Variants in ATP8B4 observed in about 807,000 individuals in gnomAD.
ATP8B4 encodes the protein ATPase phospholipid transporting 8B4 (putative), also known as probable phospholipid-transporting ATPase IM.
ATP8B4 carries 133 observed loss-of-function variants against 145.6 expected under a neutral mutation model. The observed-to-expected ratio is 0.91, with a 90% CI of 0.79 to 1.05. The LOEUF (loss-of-function observed/expected upper bound fraction) is 1.05. ATP8B4 is among the 50% of genes least tolerant of loss of function. The pLI, the probability that ATP8B4 is intolerant of heterozygous loss-of-function variation, is 0.00. For missense variants in ATP8B4, 1,458 were observed against 1,425.2 expected (o/e 1.02, Z -0.37); for synonymous variants, 507 against 492.9 (o/e 1.03, Z -0.38).
chr15:49,880,126 C>T (rs1201783710), intron 23 of ATP8B4: 1 of 152,122 alleles, frequency 6.6e-6, no homozygotes, highest in Non-Finnish European at 1.5e-5. Flanking sequence ...GGTTACAGAG[C>T]TTATTATGGG....
chr15:50,091,717 T>C (rs988537378), intron 2 of ATP8B4, among the ~76,000 whole-genome samples: 1 of 152,126 alleles, frequency 6.6e-6, no homozygotes, highest in African/African-American at 2.4e-5. Context: ...TTTTTTTCAT[T>C]TCTTACTCAT....
chr15:50,008,838 A>G lies in ATP8B4; in HGVS notation c.435+2007T>C, dbSNP rs116848175. On this transcript the variant is annotated intron_variant, in intron 7 of 27. Transcript: ENST00000284509. The stretch of plus-strand genomic sequence containing the variant: ...CCAGTCTGATGTTCACCCTTGTTAG[A>G]GCACGTTCATGGGGCTCCTAACACT... Among the ~76,000 whole-genome samples the G allele has an allele frequency of 9.7e-3, 1,480 of 152,304 alleles. 11 individuals carry two copies. The highest frequency in any genetic ancestry group is 0.014 in the Admixed American group (217 of 15,288).
intron 17 of ATP8B4, among the ~76,000 whole-genome samples, 163 bp from the exon 18 acceptor site, chr15:49,920,573 G>C (rs2040167372): frequency 6.6e-6 from 1 of 152,134 alleles, no homozygotes; most frequent in Non-Finnish European, 1.5e-5. Context: ...CTCAGAAATG[G>C]GAGATAATGT....
At chr15:49,889,531 T>C (rs1391377587) in intron 23 of ATP8B4, among the ~76,000 whole-genome samples, 1 of 152,218 alleles carries the variant, frequency 6.6e-6, no homozygotes, top group Admixed American at 6.5e-5. Flanking sequence ...CAACCCAGAC[T>C]ACATCACATC....
intron 11 of ATP8B4, among the ~76,000 whole-genome samples, chr15:49,980,224 C>T (rs1419014670): frequency 6.6e-6 from 1 of 152,144 alleles, no homozygotes; most frequent in Admixed American, 6.6e-5. Flanking sequence ...CAGAGCCTGG[C>T]CAATATTTTG....
At position 49,898,053 on chromosome 15, in the gene ATP8B4, C is replaced by A. The variant is rs2037609247; in HGVS notation, c.2473+15G>T. 1 of 1,613,316 alleles carries A rather than the reference C, an allele frequency of 6.2e-7. No individual in the cohort carries two copies. The highest frequency in any genetic ancestry group is 8.5e-7 in the Non-Finnish European group (1 of 1,179,486). ...CATGTATGCAGCATACCCCATTGAG[C>A]AAATATCCTCTTACTTTTAATCATG... On this transcript the variant is annotated intron_variant, in intron 22 of 27. Coordinates refer to ENST00000284509, the MANE Select transcript of ATP8B4 (RefSeq NM_024837.4).
At chr15:49,867,375 A>G (rs1329222122) in intron 25 of ATP8B4, among the ~76,000 whole-genome samples, 1 of 152,172 alleles carries the variant, frequency 6.6e-6, no homozygotes. Context: ...CCCACTTGTA[A>G]TTTACTGTCC....
intron 1 of ATP8B4, among the ~76,000 whole-genome samples, chr15:50,132,194 G>T (rs946369685): frequency 6.6e-6 from 1 of 152,066 alleles, no homozygotes; most frequent in Non-Finnish European, 1.5e-5. Context: ...TCTGTTTCAT[G>T]ACTTTCATAA....
At position 50,010,861 on chromosome 15, in the gene ATP8B4, T is replaced by C. The variant is rs771890270; in HGVS notation, c.419A>G (p.Asn140Ser). 1.9e-6 allele frequency: 3 copies of C among 1,566,692 alleles called. No homozygotes were observed. In the African/African-American group the frequency reaches 4.2e-5, roughly 22 times the overall value. ...AATACTTACAGCAACAAATTGGTTA[T>C]TTTCTAATTTAATGATGTCTCCCAC... ...VKVGDIIKLE[N>S]NQFVAADLLL... Residue 140 changes from asparagine to serine, a missense_variant, in exon 7 of 28, where the codon AAT (asparagine) becomes AGT (serine). By Grantham distance (46) the Asn-to-Ser change is conservative (BLOSUM62 1). Transcript: ENST00000284509.
chr15:50,158,202 C>T (rs1438702100), intron 1 of ATP8B4, among the ~76,000 whole-genome samples: 18 of 152,346 alleles, frequency 1.2e-4, no homozygotes, highest in Admixed American at 2.0e-4. Flanking sequence ...AGGAGCGTCT[C>T]TGCCTGGCCG....
At chr15:49,933,282 A>G (rs1599241090) in intron 15 of ATP8B4, among the ~76,000 whole-genome samples, 1 of 152,116 alleles carries the variant, frequency 6.6e-6, no homozygotes, top group Admixed American at 6.6e-5. Context: ...TAAAATTGAG[A>G]TATAAAATTA....
intron 21 of ATP8B4, among the ~76,000 whole-genome samples, chr15:49,898,848 A>G (rs1294293669): frequency 1.3e-5 from 2 of 152,198 alleles, no homozygotes; most frequent in Non-Finnish European, 2.9e-5. Context: ...TTCCTCAACC[A>G]TTTCTAATCT....
chr15:50,158,232 G>A (rs1319975218), intron 1 of ATP8B4, among the ~76,000 whole-genome samples: 2 of 151,592 alleles, frequency 1.3e-5, no homozygotes, highest in African/African-American at 4.9e-5. Context: ...TGGGATGTGA[G>A]GAGCCCCTCT....
chr15:50,065,416 T>C (rs2053314014), intron 3 of ATP8B4, among the ~76,000 whole-genome samples: 1 of 152,138 alleles, frequency 6.6e-6, no homozygotes, highest in South Asian at 2.1e-4. Context: ...AACCAGACCA[T>C]TTGGTCCAGT....
intron 6 of ATP8B4, chr15:50,018,965 T>C (rs756022260): frequency 4.0e-5 from 50 of 1,243,008 alleles, no homozygotes; most frequent in Non-Finnish European, 4.6e-5. Flanking sequence ...CTCAGCTTTG[T>C]ACCTTCAGCA....
At chr15:50,037,687 T>C (rs763869875) in intron 6 of ATP8B4, among the ~76,000 whole-genome samples, 20 of 152,184 alleles carry the variant, frequency 1.3e-4, no homozygotes, top group Non-Finnish European at 2.6e-4. Context: ...AATTGAACCA[T>C]GGGGGTCCAG....
intron 9 of ATP8B4, among the ~76,000 whole-genome samples, chr15:49,994,281 C>T (rs2047249728): frequency 6.6e-6 from 1 of 152,166 alleles, no homozygotes; most frequent in Admixed American, 6.6e-5. Context: ...TACAAGGCCA[C>T]TTCAGGAAGC....
intron 2 of ATP8B4, among the ~76,000 whole-genome samples, chr15:50,083,047 T>C (rs1003920282): frequency 6.6e-6 from 1 of 152,048 alleles, no homozygotes; most frequent in Non-Finnish European, 1.5e-5. Context: ...GGTCCAAAGG[T>C]CAAAGAGAGG....
intron 3 of ATP8B4, among the ~76,000 whole-genome samples, chr15:50,068,402 C>A (rs1398822530): frequency 2.0e-5 from 3 of 152,162 alleles, no homozygotes; most frequent in Non-Finnish European, 4.4e-5. Context: ...AAATAGATTT[C>A]ATCCAATAAC....
Sources: gnomAD v4.1 joint callset for allele counts (sites outside exome capture counted in the v4.1 genomes callset) on GRCh38, gnomAD v4.1.1 for gene constraint, MANE v1.5 for transcripts, NCBI Gene and HGNC (gene_info 2026-07-23, HGNC 2026-07-21) for gene names.